Variants in RIPOR1 observed in about 807,000 individuals in gnomAD.
RIPOR1 encodes the protein rho family-interacting cell polarization regulator 1.
RIPOR1 carries 58 observed loss-of-function variants against 116.5 expected under a neutral mutation model. That is an observed-to-expected ratio of 0.50 (90% CI 0.40 to 0.62). The LOEUF (loss-of-function observed/expected upper bound fraction) is 0.62, where lower values mean the gene tolerates loss of function less well. Ranked by LOEUF, RIPOR1 falls within the 20% of genes least tolerant of loss-of-function variation. RIPOR1 has a pLI of 0.00. For synonymous variants in RIPOR1, 605 were observed against 650.0 expected, an observed-to-expected ratio of 0.93 and a Z score of 1.05; for missense variants, 1,372 against 1,586.2, an observed-to-expected ratio of 0.86 and a Z score of 2.29.
chr16:67,535,476 G>A (rs955092330), intron 1 of RIPOR1, among the ~76,000 whole-genome samples: 1 of 152,202 alleles, frequency 6.6e-6, no homozygotes, highest in Non-Finnish European at 1.5e-5. Flanking sequence ...GATCCAGGCT[G>A]GGGAGGAGGC....
At chr16:67,520,541 G>A (rs563472424) in intron 1 of RIPOR1, among the ~76,000 whole-genome samples, 6 of 152,182 alleles carry the variant, frequency 3.9e-5, no homozygotes, top group Admixed American at 6.5e-5. Context: ...TGTGGGTCAC[G>A]CCTGTAATCC....
In RIPOR1 at chr16:67,545,750, G is replaced by GACGGGCT; in HGVS notation, c.3278_3284dup (p.Leu1098AlafsTer46). ...GGCGCCCGAGGGGCGTCTGCGAAGG[G>GACGGGCT]ACGGGCTGCGGGCCCTCAGCTCCCT... On this transcript the variant is annotated frameshift_variant, in exon 19 of 22. Transcript: ENST00000042381. LOFTEE classifies it high-confidence loss of function. This position sits in a 1 kb window ranked among gnomAD's most constrained non-coding sequence, Gnocchi z 4.8. The GACGGGCT allele has an allele frequency of 6.2e-7, 1 of 1,611,892 alleles. No homozygotes were observed. Among genetic ancestry groups the GACGGGCT allele is most frequent in the South Asian group, 1.1e-5 (1 of 90,724 alleles).
In RIPOR1 at chr16:67,538,492, C is replaced by G; in HGVS notation, c.46C>G (p.Arg16Gly). ...VRPQRRLLSA[R>G]VNRSQSFAGV... Reference sequence around the variant, plus strand: ...GCCGCAGCGCCGTCTGCTCAGCGCCCGGGTCAATAGGAGCCAGTCCTTCGC... The same window carrying G: ...GCCGCAGCGCCGTCTGCTCAGCGCCGGGGTCAATAGGAGCCAGTCCTTCGC... The change falls in exon 2 of 22, where the codon CGG becomes GGG. Residue 16 changes from arginine (R) to glycine (G), a missense_variant. By Grantham distance (125) the Arg-to-Gly change is moderately radical. Coordinates refer to ENST00000042381, the MANE Select transcript of RIPOR1 (RefSeq NM_024519.4). The G allele has an allele frequency of 1.2e-6, 2 of 1,611,838 alleles. No individual in the cohort carries two copies. The highest frequency in any genetic ancestry group is 1.7e-6 in the Non-Finnish European group (2 of 1,179,386).
intron 1 of RIPOR1, among the ~76,000 whole-genome samples, chr16:67,534,528 T>A (rs1375394020): frequency 6.6e-6 from 1 of 152,186 alleles, no homozygotes; most frequent in African/African-American, 2.4e-5. Flanking sequence ...GAGAACACAC[T>A]CATATAGAAT....
chr16:67,523,521 T>TTAA (rs2050512532), intron 1 of RIPOR1, among the ~76,000 whole-genome samples: 2 of 44,044 alleles, frequency 4.5e-5, no homozygotes, highest in Admixed American at 2.8e-4. Flanking sequence ...CAAGACTCCA[T>TTAA]AAAAAAAAAA....
chr16:67,540,950 A>G lies in RIPOR1; in HGVS notation c.801+246A>G, dbSNP rs543823200. ...TGACCCTGTGAATATTTGACCTCCTAAGCTCCCATGAGGCTGTGACCTCTA... is the reference window on the plus strand; with the variant it reads ...TGACCCTGTGAATATTTGACCTCCTGAGCTCCCATGAGGCTGTGACCTCTA... On this transcript the variant is annotated intron_variant, in intron 10 of 21. Coordinates refer to ENST00000042381, the MANE Select transcript of RIPOR1 (RefSeq NM_024519.4). The surrounding 1 kb of genome is among the most constrained non-coding windows in gnomAD (Gnocchi z 4.7). Among the ~76,000 whole-genome samples, 3 of 151,942 alleles carry G rather than the reference A, an allele frequency of 2.0e-5. No individual in the cohort carries two copies. The highest frequency in any genetic ancestry group is 4.2e-4 in the South Asian group (2 of 4,800).
At position 67,542,703 on chromosome 16, in the gene RIPOR1, C is replaced by T. The variant is rs760671479; in HGVS notation, c.1917C>T (p.Thr639=). 6.2e-7 allele frequency: 1 copy of T among 1,613,396 alleles called. No homozygotes were observed. Among genetic ancestry groups the T allele is most frequent in the Non-Finnish European group, 8.5e-7 (1 of 1,179,810 alleles). ...ACAAAACCAGTATGTCACCTCCCAC[C>T]ACTACAAGTCCTACCCCCAGTGGTA... The part of the protein sequence containing the change: ...PTHKTSMSPP[T]TTSPTPSGMG... The change falls in exon 13 of 22, where the codon ACC becomes ACT. Residue 639 remains threonine (T), a synonymous_variant. Coordinates refer to ENST00000042381, the MANE Select transcript of RIPOR1 (RefSeq NM_024519.4). This position sits in a 1 kb window ranked among gnomAD's most constrained non-coding sequence, Gnocchi z 4.6.
intron 4 of RIPOR1, 70 bp downstream of exon 4, chr16:67,539,138 T>A: frequency 2.3e-6 from 3 of 1,308,092 alleles, no homozygotes; most frequent in Non-Finnish European, 3.2e-6. Context: ...CAGCCCTGGG[T>A]GATATCTGGG....
chr16:67,543,771 C>G lies in RIPOR1; in HGVS notation c.2600+302C>G, dbSNP rs1490247518. 1 of 481,512 alleles carries G rather than the reference C, an allele frequency of 2.1e-6. No individual in the cohort carries two copies. The highest frequency in any genetic ancestry group is 2.0e-5 in the African/African-American group (1 of 50,986). The allele number at this position is 481,512 out of a possible 1,614,324, so 29.8% of individuals were successfully genotyped here. ...ATCAGCTTGGGTGCCTCCAGCCCCT[C>G]CTCTTCCCCTTGGCCTCACCTTGGA... On this transcript the variant is annotated intron_variant, in intron 14 of 21. Coordinates refer to ENST00000042381, the MANE Select transcript of RIPOR1 (RefSeq NM_024519.4). This position sits in a 1 kb window ranked among gnomAD's most constrained non-coding sequence, Gnocchi z 4.7.
Position 67,543,209 on chromosome 16 carries a change from T to A in RIPOR1, c.2423T>A (p.Phe808Tyr), listed in dbSNP as rs902711088. The A allele has an allele frequency of 5.7e-6, 9 of 1,565,670 alleles. No homozygotes were observed. The South Asian group carries it at 8.5e-5, about 15-fold the overall frequency. The part of the protein sequence containing the change: ...MAALDDYRGQ[F>Y]PELQGLEQEV... Reference sequence around the variant, plus strand: ...GCCCTGGATGACTACCGTGGCCAGTTTCCTGAGCTGCAGGGCCTGGAGCAG... The same window carrying A: ...GCCCTGGATGACTACCGTGGCCAGTATCCTGAGCTGCAGGGCCTGGAGCAG... Residue 808 changes from phenylalanine to tyrosine, a missense_variant, in exon 13 of 22, where the codon TTT becomes TAT. Coordinates refer to ENST00000042381, the MANE Select transcript of RIPOR1 (RefSeq NM_024519.4). This position sits in a 1 kb window ranked among gnomAD's most constrained non-coding sequence, Gnocchi z 4.7.
At chr16:67,522,556 C>T (rs954672566) in intron 1 of RIPOR1, among the ~76,000 whole-genome samples, 11 of 151,966 alleles carry the variant, frequency 7.2e-5, no homozygotes, top group African/African-American at 2.4e-4. Flanking sequence ...AGGATGGTCT[C>T]GATCTCTTGA....
At position 67,538,804 on chromosome 16, in the gene RIPOR1, G is replaced by T. The variant is rs1160842888; in HGVS notation, c.237G>T (p.Thr79=). Residue 79 remains threonine (T), a synonymous_variant, in exon 3 of 22, where the codon ACG becomes ACT. Transcript: ENST00000042381. ...CCGAGCGGCTGGACCTGGTGTACACGGCGCTGAAGCGGGGCCTGACGTGAG... is the reference window on the plus strand; with the variant it reads ...CCGAGCGGCTGGACCTGGTGTACACTGCGCTGAAGCGGGGCCTGACGTGAG... ...PQPERLDLVY[T]ALKRGLTAYL... The T allele has an allele frequency of 5.6e-6, 9 of 1,613,238 alleles. No individual in the cohort carries two copies. The highest frequency in any genetic ancestry group is 2.2e-5 in the East Asian group (1 of 44,882).
In RIPOR1 at chr16:67,541,394, C is replaced by T; in HGVS notation, c.802-36C>T. The T allele has an allele frequency of 6.3e-7, 1 of 1,598,880 alleles. No homozygotes were observed. The highest frequency in any genetic ancestry group is 1.3e-5 in the African/African-American group (1 of 74,616). On this transcript the variant is annotated intron_variant, in intron 10 of 21. Transcript: ENST00000042381. This position sits in a 1 kb window ranked among gnomAD's most constrained non-coding sequence, Gnocchi z 4.6. ...ATTTCCCATGATCTCATAGCCCCTGCACCCTTGTGACCCTACCATGCACTC... is the reference window on the plus strand; with the variant it reads ...ATTTCCCATGATCTCATAGCCCCTGTACCCTTGTGACCCTACCATGCACTC...
Position 67,542,971 on chromosome 16 carries a change from C to T in RIPOR1, c.2185C>T (p.Pro729Ser), listed in dbSNP as rs2051040354. Residue 729 changes from proline to serine, a missense_variant, in exon 13 of 22, where the codon CCT becomes TCT. Pro to Ser is a moderately conservative substitution (Grantham distance 74). Coordinates refer to ENST00000042381, the MANE Select transcript of RIPOR1 (RefSeq NM_024519.4). This position sits in a 1 kb window ranked among gnomAD's most constrained non-coding sequence, Gnocchi z 4.6. ...PMAPRTPHPSPAHSSRKPLTS... is the reference protein window; with the variant it reads ...PMAPRTPHPSSAHSSRKPLTS... Reference sequence around the variant, plus strand: ...GGCCCCCAGAACTCCCCACCCAAGTCCTGCCCATTCCAGTAGGAAACCCCT... The same window carrying T: ...GGCCCCCAGAACTCCCCACCCAAGTTCTGCCCATTCCAGTAGGAAACCCCT... 1 of 1,580,148 alleles carries T rather than the reference C, an allele frequency of 6.3e-7. No homozygotes were observed. The highest frequency in any genetic ancestry group is 8.6e-7 in the Non-Finnish European group (1 of 1,162,928).
rs1294761708 is a variant in RIPOR1 at position 67,546,564 on chromosome 16, C to A, written c.*101C>A. 7 of 855,012 alleles carry A rather than the reference C, an allele frequency of 8.2e-6. No homozygotes were observed. Among genetic ancestry groups the A allele is most frequent in the Non-Finnish European group, 1.1e-5 (6 of 534,990 alleles). 53.0% of individuals were successfully genotyped at this position (855,012 alleles called of 1,614,324 possible). The stretch of plus-strand genomic sequence containing the variant: ...GGGCTGGCTCCAGATACCCCTCCCC[C>A]ACAGATTCCTAGCAATGAAAATCTA... On this transcript the variant is annotated 3_prime_UTR_variant, in exon 22 of 22. Coordinates refer to ENST00000042381, the MANE Select transcript of RIPOR1 (RefSeq NM_024519.4).
chr16:67,529,916 G>A lies in RIPOR1; in HGVS notation c.-24+1002G>A, dbSNP rs2050609955. 2 of 1,200,360 alleles carry A rather than the reference G, an allele frequency of 1.7e-6. No homozygotes were observed. The highest frequency in any genetic ancestry group is 2.4e-6 in the Non-Finnish European group (2 of 840,422). 74.4% of individuals were successfully genotyped at this position (1,200,360 alleles called of 1,614,324 possible). A position where few individuals can be genotyped will look rare whatever the true frequency, so the allele number is the denominator to read the frequency against. On this transcript the variant is annotated intron_variant, in intron 1 of 21. Coordinates refer to ENST00000042381, the MANE Select transcript of RIPOR1 (RefSeq NM_024519.4). The surrounding 1 kb of genome is among the most constrained non-coding windows in gnomAD (Gnocchi z 4.1). ...TTTGGGAGAAGCGAGGATTAGATCT[G>A]AGTCCTTGCCCCTGCGACACCCACC...
Position 67,538,406 on chromosome 16 carries a change from C to A in RIPOR1, c.-23-18C>A, listed in dbSNP as rs752767590. ...CGGGGATCCGACTGGTACTGGACAC[C>A]CCCCCGATCACCCGCAGGGAGCCCC... On this transcript the variant is annotated intron_variant, in intron 1 of 21. Transcript: ENST00000042381. 2 of 1,556,212 alleles carry A rather than the reference C, an allele frequency of 1.3e-6. No homozygotes were observed. Among genetic ancestry groups the A allele is most frequent in the Non-Finnish European group, 1.7e-6 (2 of 1,149,502 alleles).
At chr16:67,525,414 GC>G (rs2142396615), upstream of RIPOR1, among the ~76,000 whole-genome samples, 1 of 152,216 alleles carries the variant, frequency 6.6e-6, no homozygotes, top group East Asian at 1.9e-4. Context: ...GAATGATGTG[GC>G]CCCAGGCACA....
intron 4 of RIPOR1, 113 bp downstream of exon 4, chr16:67,539,181 G>A: frequency 2.3e-6 from 2 of 859,208 alleles, no homozygotes; most frequent in Non-Finnish European, 3.6e-6. Context: ...TCAGGTGTGA[G>A]TAGAAAAGGG....
Sources: allele counts gnomAD v4.1 joint callset (sites outside exome capture counted in the v4.1 genomes callset), GRCh38; gene constraint gnomAD v4.1.1; non-coding constraint Gnocchi (gnomAD v3.1); transcripts MANE v1.5; gene names NCBI Gene and HGNC (gene_info 2026-07-23, HGNC 2026-07-21).